DFFB: variants seen among roughly 807,000 people sequenced by gnomAD.
The protein encoded by DFFB is DNA fragmentation factor subunit beta, also known as DNA fragmentation factor 40 kDa subunit.
In DFFB, 29 loss-of-function variants were observed where a neutral mutation model predicts 32.7. That is an observed-to-expected ratio of 0.89 (90% confidence interval 0.66 to 1.21). The LOEUF (loss-of-function observed/expected upper bound fraction) is 1.21. Among genes scored for constraint, DFFB ranks in the 50% most tolerant of loss-of-function variants. DFFB has a pLI of 0.00. For missense variants in DFFB, 398 were observed against 440.6 expected, an observed-to-expected ratio of 0.90 and a Z score of 0.87; for synonymous variants, 170 against 177.1, an observed-to-expected ratio of 0.96 and a Z score of 0.32.
chr1:3,866,708 C>G (rs1255805500), intron 3 of DFFB, among the ~76,000 whole-genome samples: 1 of 152,094 alleles, frequency 6.6e-6, no homozygotes, highest in Admixed American at 6.6e-5. Context: ...AACCCGTGTC[C>G]CTGTTACATC....
chr1:3,869,633 C>T lies in DFFB; in HGVS notation c.539C>T (p.Ala180Val), dbSNP rs374203059. 3.6e-4 allele frequency: 574 copies of T among 1,613,238 alleles called. 6 individuals are homozygous for T. The South Asian group carries it at 5.2e-3, about 15-fold the overall frequency. Residue 180 changes from alanine to valine, a missense_variant, in exon 5 of 7, where the codon GCG becomes GTG. Transcript: ENST00000378209. Reference sequence around the variant, plus strand: ...AGCTCCTACCCCTCCACGGTGGGTGCGGAGGCTCAGGAGGAATTCCTGCGG... The same window carrying T: ...AGCTCCTACCCCTCCACGGTGGGTGTGGAGGCTCAGGAGGAATTCCTGCGG... ...EVSSYPSTVG[A>V]EAQEEFLRVL...
At position 3,883,857 on chromosome 1, in the gene DFFB, A is replaced by G; in HGVS notation, c.*116A>G. 1 of 715,504 alleles carries G rather than the reference A, an allele frequency of 1.4e-6. No homozygotes were observed. The highest frequency in any genetic ancestry group is 2.3e-6 in the Non-Finnish European group (1 of 426,234). 44.3% of individuals were successfully genotyped at this position (715,504 alleles called of 1,614,324 possible). ...TTTGGTCACTCCAGTAGCTCCTGGA[A>G]AAAACCTTAAAAAATGTTTCCTCCA... On this transcript the variant is annotated 3_prime_UTR_variant, in exon 7 of 7. Coordinates refer to ENST00000378209, the MANE Select transcript of DFFB (RefSeq NM_004402.4).
chr1:3,873,399 A>C (rs2124754753), intron 6 of DFFB, among the ~76,000 whole-genome samples: 1 of 152,268 alleles, frequency 6.6e-6, no homozygotes, highest in African/African-American at 2.4e-5. Flanking sequence ...TGAAATCCGA[A>C]GTGCTCCAAA....
At chr1:3,870,837 G>T (rs756066267) in intron 5 of DFFB, among the ~76,000 whole-genome samples, 2 of 151,930 alleles carry the variant, frequency 1.3e-5, no homozygotes, top group South Asian at 4.1e-4. Flanking sequence ...GGAAGCAGTG[G>T]GCTCTGCTGG....
chr1:3,865,993 GT>G lies in DFFB; in HGVS notation c.426del (p.Phe142LeufsTer15), dbSNP rs1644972676. The G allele has an allele frequency of 6.4e-7, 1 of 1,563,698 alleles. No individual in the cohort carries two copies. On this transcript the variant is annotated frameshift_variant, in exon 3 of 7. Coordinates refer to ENST00000378209, the MANE Select transcript of DFFB (RefSeq NM_004402.4). LOFTEE classifies it high-confidence loss of function. The surrounding 1 kb of genome is among the most constrained non-coding windows in gnomAD (Gnocchi z 4.7). The part of the protein sequence containing the change: ...AETRAEDPPW[F>X]EGLESRFQSK... ...AGACCCGGGCTGAGGACCCGCCGTG[GT>G]TTGAAGGTGCGTGGGGGCTGCAGCT...
intron 5 of DFFB, among the ~76,000 whole-genome samples, chr1:3,870,161 C>T (rs947350915): frequency 2.6e-5 from 4 of 152,236 alleles, no homozygotes; most frequent in Non-Finnish European, 5.9e-5. Context: ...CCGCTGCCTT[C>T]CCAGGTGTCC....
Position 3,883,818 on chromosome 1 carries a change from T to C in DFFB, c.*77T>C, listed in dbSNP as rs190758342. ...TTTAACAGGTGCCTTTTTTGTTTTT[T>C]TGTTTTTCGTTTTTTTGGTCACTCC... On this transcript the variant is annotated 3_prime_UTR_variant, in exon 7 of 7. Transcript: ENST00000378209. 4.0e-4 allele frequency: 537 copies of C among 1,357,128 alleles called. 2 individuals carry two copies. In the African/African-American group the frequency reaches 6.8e-3, roughly 17 times the overall value. 84.1% of individuals were successfully genotyped at this position (1,357,128 alleles called of 1,614,324 possible).
rs117885639 is a variant in DFFB at position 3,879,558 on chromosome 1, G to A, written c.783-3949G>A. Among the ~76,000 whole-genome samples, 235 of 152,296 alleles carry A rather than the reference G, an allele frequency of 1.5e-3. 1 individual carries two copies. The East Asian group carries it at 0.027, about 18-fold the overall frequency. On this transcript the variant is annotated intron_variant, in intron 6 of 6. Coordinates refer to ENST00000378209, the MANE Select transcript of DFFB (RefSeq NM_004402.4). ...CTCACTCTCCCTCTGTCTCTGCCAC[G>A]TGGGGACACAGCAAGAAGGCAGCCA...
chr1:3,866,383 G>A, intron 3 of DFFB: 1 of 276,566 alleles, frequency 3.6e-6, no homozygotes, highest in South Asian at 2.9e-5. Flanking sequence ...AGCCTCCCGA[G>A]TAGCTGGGAT....
chr1:3,877,165 C>T (rs79347033), intron 6 of DFFB, among the ~76,000 whole-genome samples: 1,665 of 152,256 alleles, frequency 0.011, 16 homozygotes, highest in Middle Eastern at 0.017. Context: ...GTCTTTGGCC[C>T]TTTACTTCAC....
rs1644951215 is a variant in DFFB at position 3,865,130 on chromosome 1, TTC to T, written c.242-678_242-677del. Among the ~76,000 whole-genome samples the T allele has an allele frequency of 6.6e-6, 1 of 152,130 alleles. No individual in the cohort carries two copies. Among genetic ancestry groups the T allele is most frequent in the Non-Finnish European group, 1.5e-5 (1 of 68,042 alleles). Reference sequence around the variant, plus strand: ...TTTGAGGAAGCTCAGTGTGTTGATTTTCTCTTTTACGCAGTGCTTTTGATGTT... The same window carrying T: ...TTTGAGGAAGCTCAGTGTGTTGATTTTCTTTTACGCAGTGCTTTTGATGTT... On this transcript the variant is annotated intron_variant, in intron 2 of 6. Transcript: ENST00000378209. This position sits in a 1 kb window ranked among gnomAD's most constrained non-coding sequence, Gnocchi z 4.7.
At chr1:3,870,613 G>A (rs1645093039) in intron 5 of DFFB, among the ~76,000 whole-genome samples, 1 of 152,210 alleles carries the variant, frequency 6.6e-6, no homozygotes, top group Admixed American at 6.5e-5. Flanking sequence ...CATCCCTGAT[G>A]GCAGGGTGAG....
rs760609972 is a variant in DFFB, at chr1:3,857,735, C to T, written c.114+18C>T. Reference sequence around the variant, plus strand: ...GCTTCCAGGTGCCCGCTGGGCTAGGCGGGGACGGCCCGTCGGGGAGGCGTG... The same window carrying T: ...GCTTCCAGGTGCCCGCTGGGCTAGGTGGGGACGGCCCGTCGGGGAGGCGTG... On this transcript the variant is annotated intron_variant, in intron 1 of 6. Transcript: ENST00000378209. 6.8e-7 allele frequency: 1 copy of T among 1,461,914 alleles called. No individual in the cohort carries two copies. The highest frequency in any genetic ancestry group is 1.4e-5 in the South Asian group (1 of 73,590). 90.6% of individuals were successfully genotyped at this position (1,461,914 alleles called of 1,614,324 possible). A position where few individuals can be genotyped will look rare whatever the true frequency, so the allele number is the denominator to read the frequency against.
intron 6 of DFFB, among the ~76,000 whole-genome samples, chr1:3,874,944 T>A (rs1476396385): frequency 7.1e-6 from 1 of 141,310 alleles, no homozygotes; most frequent in Non-Finnish European, 1.5e-5. Context: ...GTTTAACGTG[T>A]ACATACGTGG....
intron 6 of DFFB, among the ~76,000 whole-genome samples, chr1:3,883,292 G>A (rs1363206996): frequency 2.6e-5 from 4 of 152,294 alleles, no homozygotes; most frequent in East Asian, 1.9e-4. Context: ...GGCGTGAGCC[G>A]CCGTGCCCGG....
intron 6 of DFFB, among the ~76,000 whole-genome samples, chr1:3,872,814 G>A (rs1158806680): frequency 1.3e-5 from 2 of 152,186 alleles, no homozygotes; most frequent in Non-Finnish European, 2.9e-5. Flanking sequence ...TACCTGACCC[G>A]GAGCCAGCCC....
At position 3,885,293 on chromosome 1, in the gene DFFB, T is replaced by C. The variant is rs1248772451; in HGVS notation, c.*1552T>C. 1.3e-5 allele frequency: 2 copies of C among 152,232 alleles called. No homozygotes were observed. Among genetic ancestry groups the C allele is most frequent in the Admixed American group, 6.5e-5 (1 of 15,286 alleles). The allele number at this position is 152,232 out of a possible 1,614,324, so 9.4% of individuals were successfully genotyped here. A position where few individuals can be genotyped will look rare whatever the true frequency, so the allele number is the denominator to read the frequency against. On this transcript the variant is annotated 3_prime_UTR_variant, in exon 7 of 7. Coordinates refer to ENST00000378209, the MANE Select transcript of DFFB (RefSeq NM_004402.4). ...ATTTTCTACGTCATGTATTTTATGA[T>C]ACTTGAATTTTTTGAAATGGGCATT...
At chr1:3,859,980 C>T (rs1214675449) in intron 2 of DFFB, among the ~76,000 whole-genome samples, 1 of 152,174 alleles carries the variant, frequency 6.6e-6, no homozygotes, top group African/African-American at 2.4e-5. Context: ...CTCTCTCTGT[C>T]TGTCTCTGTC....
intron 2 of DFFB, among the ~76,000 whole-genome samples, chr1:3,862,902 C>T (rs1644904687): frequency 6.6e-6 from 1 of 152,174 alleles, no homozygotes. Flanking sequence ...GTAATCCCAG[C>T]ACTTTGGGAG....
Sources: allele counts gnomAD v4.1 joint callset (sites outside exome capture counted in the v4.1 genomes callset), GRCh38; gene constraint gnomAD v4.1.1; non-coding constraint Gnocchi (gnomAD v3.1); transcripts MANE v1.5; gene names NCBI Gene and HGNC (gene_info 2026-07-23, HGNC 2026-07-21).